SLC30A8: variants seen among roughly 807,000 people sequenced by gnomAD.
The protein encoded by SLC30A8 is solute carrier family 30 member 8.
In SLC30A8, 27 loss-of-function variants were observed where a neutral mutation model predicts 36.9. The ratio of observed to expected loss-of-function variants is 0.73; its 90% confidence interval spans 0.54 to 1.01. The LOEUF (loss-of-function observed/expected upper bound fraction) is 1.01. Among genes scored for constraint, SLC30A8 ranks in the 50% least tolerant of loss-of-function variants. The pLI is 0.00. For synonymous variants in SLC30A8, 164 were observed against 172.4 expected (o/e 0.95, Z 0.38); for missense variants, 439 against 452.0 (o/e 0.97, Z 0.26).
At chr8:117,060,162 G>A (rs1488775667) in intron 2 of SLC30A8, among the ~76,000 whole-genome samples, 1 of 152,042 alleles carries the variant, frequency 6.6e-6, no homozygotes, top group East Asian at 1.9e-4. Context: ...GAATGGAGAT[G>A]CTTTTTTATT....
chr8:117,024,499 G>A (rs889193438), intron 1 of SLC30A8, among the ~76,000 whole-genome samples: 3 of 152,022 alleles, frequency 2.0e-5, no homozygotes, highest in Middle Eastern at 3.2e-3. Context: ...CTTCCTTATG[G>A]CAACTGCATT....
At chr8:117,010,133 G>A (rs1242910131) in intron 1 of SLC30A8, among the ~76,000 whole-genome samples, 2 of 152,140 alleles carry the variant, frequency 1.3e-5, no homozygotes, top group African/African-American at 4.8e-5. Context: ...GGCAGGGGAA[G>A]AAGTTTAATG....
chr8:117,023,637 C>T (rs1449066376), intron 1 of SLC30A8, among the ~76,000 whole-genome samples: 20 of 149,592 alleles, frequency 1.3e-4, no homozygotes, highest in South Asian at 2.1e-4. Context: ...AACCAAACAC[C>T]GCATGTTCTC....
chr8:117,115,589 T>C (rs1820411559), intron 2 of SLC30A8, among the ~76,000 whole-genome samples: 1 of 152,122 alleles, frequency 6.6e-6, no homozygotes, highest in Non-Finnish European at 1.5e-5. Context: ...AACACATGTT[T>C]TTTCCTCAGT....
chr8:117,105,251 A>G (rs570721938), intron 2 of SLC30A8, among the ~76,000 whole-genome samples: 1 of 152,240 alleles, frequency 6.6e-6, no homozygotes, highest in African/African-American at 2.4e-5. Context: ...CATTTCTATT[A>G]GAATCTCTTC....
intron 1 of SLC30A8, among the ~76,000 whole-genome samples, chr8:117,003,702 T>C (rs1309165815): frequency 6.6e-6 from 1 of 152,138 alleles, no homozygotes; most frequent in African/African-American, 2.4e-5. Flanking sequence ...TAGGTGAAAA[T>C]AATTAGCATT....
chr8:117,128,795 G>C (rs1407568758), intron 2 of SLC30A8, among the ~76,000 whole-genome samples: 1 of 151,968 alleles, frequency 6.6e-6, no homozygotes, highest in East Asian at 1.9e-4. Flanking sequence ...GGAAAAAGGG[G>C]ATTATTTTTA....
intron 2 of SLC30A8, among the ~76,000 whole-genome samples, chr8:117,122,571 T>G (rs1232305209): frequency 6.6e-6 from 1 of 151,992 alleles, no homozygotes. Flanking sequence ...GGGCTTACCA[T>G]CTACAAGCAC....
At chr8:117,047,250 T>A (rs1817581516) in intron 2 of SLC30A8, among the ~76,000 whole-genome samples, 1 of 152,150 alleles carries the variant, frequency 6.6e-6, no homozygotes, top group Non-Finnish European at 1.5e-5. Context: ...ATCCTCACCA[T>A]GATATTGTGA....
chr8:117,073,993 A>G (rs970215174), intron 2 of SLC30A8, among the ~76,000 whole-genome samples: 4 of 128,528 alleles, frequency 3.1e-5, no homozygotes, highest in African/African-American at 5.9e-5. Context: ...ACAGGAGAGT[A>G]AGTAGAAGGC....
rs776903420 is a variant in SLC30A8, at chr8:117,161,853, A to C, written c.688A>C (p.Ser230Arg). 9 of 1,613,836 alleles carry C rather than the reference A, an allele frequency of 5.6e-6. No individual in the cohort carries two copies. In the East Asian group the frequency reaches 2.0e-4, roughly 36 times the overall value. ...CCTTGGAGATCTATTTCAGAGTATC[A>C]GTGTGCTAATTAGTGCACTTATTAT... ...HALGDLFQSI[S>R]VLISALIIYF... The change falls in exon 5 of 8, where the codon AGT (serine) becomes CGT (arginine). Residue 230 changes from serine (S) to arginine (R), a missense_variant. Coordinates refer to ENST00000456015, the MANE Select transcript of SLC30A8 (RefSeq NM_173851.3).
chr8:117,089,032 T>G (rs1306296613), intron 2 of SLC30A8, among the ~76,000 whole-genome samples: 1 of 152,246 alleles, frequency 6.6e-6, no homozygotes, highest in African/African-American at 2.4e-5. Flanking sequence ...TTCACCGTGT[T>G]GGTGTCTTCC....
At chr8:117,022,911 A>C (rs1376603785) in intron 1 of SLC30A8, among the ~76,000 whole-genome samples, 10 of 152,236 alleles carry the variant, frequency 6.6e-5, no homozygotes, top group Non-Finnish European at 1.3e-4. Context: ...TCTGCACAGC[A>C]AAAGAGACTA....
At chr8:117,093,173 T>C (rs1819205197) in intron 2 of SLC30A8, among the ~76,000 whole-genome samples, 1 of 151,934 alleles carries the variant, frequency 6.6e-6, no homozygotes, top group Admixed American at 6.5e-5. Context: ...GATACTCTCA[T>C]GGCCCAGGTA....
intron 1 of SLC30A8, among the ~76,000 whole-genome samples, chr8:116,997,685 G>A (rs1341215745): frequency 1.3e-5 from 2 of 152,142 alleles, no homozygotes; most frequent in Non-Finnish European, 2.9e-5. Flanking sequence ...TGAAAATGAA[G>A]AATATTTATT....
At chr8:117,086,437 G>A (rs1223823058) in intron 2 of SLC30A8, among the ~76,000 whole-genome samples, 2 of 152,162 alleles carry the variant, frequency 1.3e-5, no homozygotes, top group Non-Finnish European at 2.9e-5. Flanking sequence ...GGAAAACTAT[G>A]TGCATCTATG....
At chr8:117,029,391 T>C (rs757335514) in intron 1 of SLC30A8, among the ~76,000 whole-genome samples, 2 of 152,210 alleles carry the variant, frequency 1.3e-5, no homozygotes, top group African/African-American at 2.4e-5. Context: ...ATTTGTTTTA[T>C]TTTAAGAGAA....
intron 2 of SLC30A8, 63 bp downstream of exon 2, chr8:117,147,216 G>A: frequency 1.4e-6 from 2 of 1,418,856 alleles, no homozygotes; most frequent in Non-Finnish European, 2.0e-6. Context: ...CATTATGGGA[G>A]GGTTACCTAA....
chr8:117,012,722 T>TACACACACACACACAC (rs1491474446), intron 1 of SLC30A8, among the ~76,000 whole-genome samples: 1 of 42,442 alleles, frequency 2.4e-5, no homozygotes, highest in African/African-American at 8.4e-5. Context: ...TAGACATATG[T>TACACACACACACACAC]ATACACACAC....
Sources: allele counts gnomAD v4.1 joint callset (sites outside exome capture counted in the v4.1 genomes callset), GRCh38; gene constraint gnomAD v4.1.1; transcripts MANE v1.5; gene names NCBI Gene and HGNC (gene_info 2026-07-23, HGNC 2026-07-21).